DOK5: variants seen among roughly 807,000 people sequenced by gnomAD.
The protein encoded by DOK5 is downstream of tyrosine kinase 5.
DOK5 carries 27 observed loss-of-function variants against 43.3 expected under a neutral mutation model. The ratio of observed to expected loss-of-function variants is 0.62; its 90% CI spans 0.46 to 0.86. The LOEUF (loss-of-function observed/expected upper bound fraction) is 0.86. DOK5 is among the 40% of genes least tolerant of loss of function. The pLI is 0.00. For missense variants in DOK5, 373 were observed against 392.9 expected, an observed-to-expected ratio of 0.95 and a Z score of 0.43; for synonymous variants, 146 against 140.1, an observed-to-expected ratio of 1.04 and a Z score of -0.30.
intron 1 of DOK5, among the ~76,000 whole-genome samples, chr20:54,482,790 C>T (rs780810251): frequency 4.6e-5 from 7 of 152,250 alleles, no homozygotes; most frequent in African/African-American, 1.7e-4. Context: ...AGCCACCGTG[C>T]CCGGCCTCAT....
chr20:54,477,786 ATTATTCATAAGGATCAGAGT>A (rs1200465001), intron 1 of DOK5, among the ~76,000 whole-genome samples: 1 of 152,220 alleles, frequency 6.6e-6, no homozygotes, highest in Non-Finnish European at 1.5e-5. Flanking sequence ...CAAAATATGA[ATTATTCATAAGGATCAGAGT>A]TTATGCCAAA....
intron 6 of DOK5, among the ~76,000 whole-genome samples, chr20:54,625,118 C>T (rs1987096061): frequency 6.6e-6 from 1 of 152,150 alleles, no homozygotes; most frequent in African/African-American, 2.4e-5. Flanking sequence ...ATCACTTTTC[C>T]TCCAAATGTC....
intron 5 of DOK5, among the ~76,000 whole-genome samples, chr20:54,595,673 A>C (rs992145444): frequency 2.6e-5 from 4 of 152,196 alleles, no homozygotes; most frequent in African/African-American, 4.8e-5. Flanking sequence ...TAGAATATTT[A>C]TTGATTTTGA....
intron 1 of DOK5, among the ~76,000 whole-genome samples, chr20:54,481,321 C>A (rs1981711413): frequency 6.6e-6 from 1 of 152,094 alleles, no homozygotes; most frequent in Non-Finnish European, 1.5e-5. Flanking sequence ...AGGCATGCAC[C>A]ACCATACCCA....
At chr20:54,592,809 G>A (rs1440730841) in intron 5 of DOK5, among the ~76,000 whole-genome samples, 1 of 152,116 alleles carries the variant, frequency 6.6e-6, no homozygotes, top group Non-Finnish European at 1.5e-5. Context: ...TGGGATTACC[G>A]GCGTGAGCCA....
At position 54,555,027 on chromosome 20, in the gene DOK5, G is replaced by A. The variant is rs768869058; in HGVS notation, c.161G>A (p.Arg54Lys). ...TCTGATGAACGTGCTGCATATTTCAGGTGTTATCATAAGGTAAGACTCAAT... is the reference window on the plus strand; with the variant it reads ...TCTGATGAACGTGCTGCATATTTCAAGTGTTATCATAAGGTAAGACTCAAT... ...KFSDERAAYF[R>K]CYHKVTELNN... Residue 54 changes from arginine (R) to lysine (K), a missense_variant, in exon 2 of 8, where the codon AGG (arginine) becomes AAG (lysine). Physicochemically the swap from Arg to Lys is conservative, Grantham distance 26 (BLOSUM62 2). Coordinates refer to ENST00000262593, the MANE Select transcript of DOK5 (RefSeq NM_018431.5). 1.2e-6 allele frequency: 2 copies of A among 1,612,136 alleles called. No individual in the cohort carries two copies. Among genetic ancestry groups the A allele is most frequent in the South Asian group, 2.2e-5 (2 of 91,032 alleles).
chr20:54,573,870 G>A (rs1417252274), intron 2 of DOK5, among the ~76,000 whole-genome samples: 3 of 152,076 alleles, frequency 2.0e-5, no homozygotes, highest in Admixed American at 6.6e-5. Context: ...TCAGTGTGCA[G>A]CTTTAATTCT....
intron 1 of DOK5, among the ~76,000 whole-genome samples, chr20:54,477,716 A>G (rs1313351079): frequency 6.6e-6 from 1 of 152,164 alleles, no homozygotes; most frequent in Non-Finnish European, 1.5e-5. Flanking sequence ...AATTGGTATG[A>G]GACATCCATT....
At chr20:54,529,651 A>C (rs73911934) in intron 1 of DOK5, among the ~76,000 whole-genome samples, 3,702 of 152,308 alleles carry the variant, frequency 0.024, 147 homozygotes, top group African/African-American at 0.084. Context: ...TGTAACCATC[A>C]TCACAATGTA....
intron 7 of DOK5, among the ~76,000 whole-genome samples, chr20:54,649,324 A>G (rs1223414514): frequency 1.3e-5 from 2 of 152,100 alleles, no homozygotes; most frequent in Non-Finnish European, 2.9e-5. Context: ...TGGGAGGCTG[A>G]GGTGGGAGGA....
chr20:54,620,118 C>G (rs1389535638), intron 6 of DOK5, among the ~76,000 whole-genome samples: 1 of 152,132 alleles, frequency 6.6e-6, no homozygotes, highest in East Asian at 1.9e-4. Flanking sequence ...CTTTTTATAT[C>G]CTGGCATATT....
chr20:54,582,259 C>T (rs1398346639), intron 2 of DOK5, among the ~76,000 whole-genome samples: 1 of 151,782 alleles, frequency 6.6e-6, no homozygotes, highest in Non-Finnish European at 1.5e-5. Flanking sequence ...ATTCAGTTTG[C>T]TAGTATTTTA....
At chr20:54,540,434 T>A (rs899465343) in intron 1 of DOK5, among the ~76,000 whole-genome samples, 1 of 152,204 alleles carries the variant, frequency 6.6e-6, no homozygotes, top group Non-Finnish European at 1.5e-5. Context: ...CTTGTTTGCA[T>A]GCAAATCACC....
chr20:54,638,774 G>C lies in DOK5; in HGVS notation c.736-4684G>C, dbSNP rs112652811. ...TTTCTTTTTTTTTTTTTTTTTTTGA[G>C]ACTGAGTCTCGCTCTTTTGCCCAGG... On this transcript the variant is annotated intron_variant, in intron 6 of 7. Transcript: ENST00000262593. Among the ~76,000 whole-genome samples the C allele has an allele frequency of 4.7e-3, 547 of 116,620 alleles. 6 individuals carry two copies. The highest frequency in any genetic ancestry group is 0.017 in the African/African-American group (524 of 31,176). 76.5% of individuals were successfully genotyped at this position (116,620 alleles called of 152,430 possible).
chr20:54,517,891 A>G (rs1185637209), intron 1 of DOK5, among the ~76,000 whole-genome samples: 1 of 152,180 alleles, frequency 6.6e-6, no homozygotes, highest in Non-Finnish European at 1.5e-5. Flanking sequence ...CAGATGCTGA[A>G]CTTGCCAGTG....
At chr20:54,502,612 A>G (rs1458484868) in intron 1 of DOK5, among the ~76,000 whole-genome samples, 2 of 152,206 alleles carry the variant, frequency 1.3e-5, no homozygotes, top group Admixed American at 6.5e-5. Flanking sequence ...CAGCATATAC[A>G]TATATAGGTA....
At chr20:54,495,025 G>C (rs1459058833) in intron 1 of DOK5, 1 of 149,862 alleles carries the variant, frequency 6.7e-6, no homozygotes, top group Non-Finnish European at 1.5e-5. Flanking sequence ...AAACTAAAAT[G>C]GCTCTTTAAT....
At chr20:54,641,026 A>C (rs958420453) in intron 6 of DOK5, among the ~76,000 whole-genome samples, 2 of 152,230 alleles carry the variant, frequency 1.3e-5, no homozygotes, top group African/African-American at 4.8e-5. Flanking sequence ...TAGTATGTAC[A>C]TAGATCAAAA....
At chr20:54,484,306 G>A (rs969576955) in intron 1 of DOK5, among the ~76,000 whole-genome samples, 3 of 151,832 alleles carry the variant, frequency 2.0e-5, no homozygotes, top group Non-Finnish European at 4.4e-5. Flanking sequence ...TTGAACCCAG[G>A]AGGTGGAGGT....
Sources: gnomAD v4.1 joint callset for allele counts (sites outside exome capture counted in the v4.1 genomes callset) on GRCh38, gnomAD v4.1.1 for gene constraint, MANE v1.5 for transcripts, NCBI Gene and HGNC (gene_info 2026-07-23, HGNC 2026-07-21) for gene names.